RTTN: variants seen among roughly 807,000 people sequenced by gnomAD.
The protein encoded by RTTN is rotatin.
A neutral mutation model predicts 269.2 loss-of-function variants in RTTN; 182 were observed. That is an observed-to-expected ratio of 0.68 (90% CI 0.60 to 0.76). The LOEUF (loss-of-function observed/expected upper bound fraction) is 0.76. Among genes scored for constraint, RTTN ranks in the 30% least tolerant of loss-of-function variants. RTTN has a pLI of 0.00. For missense variants in RTTN, 2,545 were observed against 2,608.6 expected (o/e 0.98, Z 0.53); for synonymous variants, 1,006 against 963.5 (o/e 1.04, Z -0.82).
At chr18:70,105,435 C>T (rs2059295750) in intron 28 of RTTN, among the ~76,000 whole-genome samples, 1 of 152,240 alleles carries the variant, frequency 6.6e-6, no homozygotes, top group Non-Finnish European at 1.5e-5. Flanking sequence ...TCCCTGACCT[C>T]TTACGCTTCC....
At position 70,030,893 on chromosome 18, in the gene RTTN, T is replaced by C; in HGVS notation, c.5630A>G (p.Gln1877Arg). ...MSLLAVSRRAQKHALKANLID... is the reference protein window; with the variant it reads ...MSLLAVSRRARKHALKANLID... ...TGGCTCACCTTTCAAAGCATGTTTC[T>C]GTGCTCTTCTACTGACAGCCAGCAG... Residue 1877 changes from glutamine to arginine, a missense_variant, in exon 41 of 49, where the codon CAG becomes CGG. Transcript: ENST00000640769. 1 of 1,613,098 alleles carries C rather than the reference T, an allele frequency of 6.2e-7. No homozygotes were observed. Among genetic ancestry groups the C allele is most frequent in the Middle Eastern group, 1.7e-4 (1 of 6,058 alleles).
At position 70,017,411 on chromosome 18, in the gene RTTN, A is replaced by G. The variant is rs141934309; in HGVS notation, c.6417T>C (p.Ala2139=). 564 of 1,613,580 alleles carry G rather than the reference A, an allele frequency of 3.5e-4. 5 individuals are homozygous for G. In the East Asian group the frequency reaches 0.012, roughly 33 times the overall value. The change falls in exon 46 of 49, where the codon GCT becomes GCC. Residue 2139 remains alanine (A), a synonymous_variant. Coordinates refer to ENST00000640769, the MANE Select transcript of RTTN (RefSeq NM_173630.4). The stretch of plus-strand genomic sequence containing the variant: ...TATGTGTGTGTGAAAACTTACCATT[A>G]GCCAGGATCTTGGGTTTATTTGCAG... The part of the protein sequence containing the change: ...FSPANKPKIL[A]NEKVITVLAA...
chr18:70,104,582 A>G (rs539759079), intron 28 of RTTN, among the ~76,000 whole-genome samples: 1 of 152,332 alleles, frequency 6.6e-6, no homozygotes, highest in Admixed American at 6.5e-5. Context: ...TCTGATTTTT[A>G]GAATTTTCAG....
At chr18:70,141,745 T>G (rs1264843336) in intron 19 of RTTN, among the ~76,000 whole-genome samples, 2 of 152,152 alleles carry the variant, frequency 1.3e-5, no homozygotes, top group Non-Finnish European at 2.9e-5. Flanking sequence ...ATTGTGCACA[T>G]GTACCCTAGA....
chr18:70,025,410 T>C lies in RTTN; in HGVS notation c.5824-562A>G, dbSNP rs1042717957. 5.3e-5 allele frequency among the ~76,000 whole-genome samples: 8 copies of C among 152,272 alleles called. No homozygotes were observed. In the South Asian group the frequency reaches 6.2e-4, roughly 12 times the overall value. ...AAAGATCAGTTACCCTGGGACAATA[T>C]TGCAGATAAAATATAGCTGTTTAAG... On this transcript the variant is annotated intron_variant, in intron 43 of 48. Transcript: ENST00000640769.
chr18:70,012,697 T>C (rs1264612839), intron 46 of RTTN, among the ~76,000 whole-genome samples: 2 of 151,342 alleles, frequency 1.3e-5, no homozygotes. Flanking sequence ...CTGGTATTAG[T>C]TACAGGGCAG....
At chr18:70,154,901 A>C (rs1379137140) in intron 14 of RTTN, among the ~76,000 whole-genome samples, 2 of 152,204 alleles carry the variant, frequency 1.3e-5, no homozygotes, top group African/African-American at 4.8e-5. Flanking sequence ...CATGCAGCCC[A>C]AAAATGCTAC....
At chr18:70,205,414 GT>G (rs924812226) in intron 1 of RTTN, 99 bp from the exon 2 acceptor site, 13 of 1,501,330 alleles carry the variant, frequency 8.7e-6, no homozygotes, top group Admixed American at 1.8e-5. Flanking sequence ...GAATAAACCA[GT>G]TTTTTTCAGA....
intron 40 of RTTN, among the ~76,000 whole-genome samples, chr18:70,032,154 C>A (rs1257516428): frequency 6.6e-6 from 1 of 152,194 alleles, no homozygotes; most frequent in East Asian, 1.9e-4. Flanking sequence ...CCATAGGAGA[C>A]TTTATCCCTA....
At chr18:70,124,154 A>T (rs1357504947) in intron 25 of RTTN, among the ~76,000 whole-genome samples, 3 of 152,048 alleles carry the variant, frequency 2.0e-5, no homozygotes, top group Non-Finnish European at 1.5e-5. Flanking sequence ...AAGAGCTGTC[A>T]CATGTGAAGA....
intron 40 of RTTN, among the ~76,000 whole-genome samples, chr18:70,036,964 T>C (rs1236149132): frequency 6.6e-6 from 1 of 152,168 alleles, no homozygotes; most frequent in East Asian, 1.9e-4. Flanking sequence ...GCGAGCTAAC[T>C]TGCACACTTG....
At chr18:70,032,997 C>T (rs1483689760) in intron 40 of RTTN, among the ~76,000 whole-genome samples, 1 of 152,222 alleles carries the variant, frequency 6.6e-6, no homozygotes, top group East Asian at 1.9e-4. Context: ...TGTGTCCCCA[C>T]CCAAATCTCA....
At chr18:70,058,682 A>C (rs2057889986) in intron 36 of RTTN, among the ~76,000 whole-genome samples, 1 of 152,156 alleles carries the variant, frequency 6.6e-6, no homozygotes. Context: ...CTGACTCGTA[A>C]GAAGCAAAGA....
chr18:70,114,875 A>C (rs1333028648), intron 26 of RTTN, among the ~76,000 whole-genome samples: 1 of 152,098 alleles, frequency 6.6e-6, no homozygotes, highest in Non-Finnish European at 1.5e-5. Flanking sequence ...ACTATTATAT[A>C]TTGATATATA....
At chr18:70,031,563 A>G (rs2057013425) in intron 40 of RTTN, 1 of 389,738 alleles carries the variant, frequency 2.6e-6, no homozygotes, top group Admixed American at 4.4e-5. Flanking sequence ...CTATTTCTGT[A>G]TATTTCCTTT....
intron 34 of RTTN, among the ~76,000 whole-genome samples, chr18:70,069,556 G>A (rs529619711): frequency 1.3e-5 from 2 of 152,220 alleles, no homozygotes; most frequent in African/African-American, 4.8e-5. Flanking sequence ...AAGTAGAACT[G>A]GAATGTAAAA....
chr18:70,190,449 C>A, intron 9 of RTTN, 89 bp downstream of exon 9: 2 of 908,296 alleles, frequency 2.2e-6, no homozygotes, highest in Non-Finnish European at 3.3e-6. Flanking sequence ...TCCAAAGGCC[C>A]TAACATAGAA....
intron 30 of RTTN, among the ~76,000 whole-genome samples, chr18:70,090,007 G>A (rs540714171): frequency 2.6e-5 from 4 of 152,184 alleles, no homozygotes; most frequent in Admixed American, 2.6e-4. Flanking sequence ...TGGAGGGTGT[G>A]GCTGAATACC....
intron 32 of RTTN, among the ~76,000 whole-genome samples, chr18:70,080,954 ACACACACAC>A (rs2058551212): frequency 1.3e-5 from 2 of 151,612 alleles, no homozygotes; most frequent in Admixed American, 1.3e-4. Context: ...ACACACACAC[ACACACACAC>A]ACACACACAC....
Sources: allele counts gnomAD v4.1 joint callset (sites outside exome capture counted in the v4.1 genomes callset), GRCh38; gene constraint gnomAD v4.1.1; transcripts MANE v1.5; gene names NCBI Gene and HGNC (gene_info 2026-07-23, HGNC 2026-07-21).